The following SPAG16 variants were observed in gnomAD, a reference collection of about 807,000 sequenced individuals.
SPAG16 encodes the protein sperm associated antigen 16, also known as sperm-associated antigen 16 protein.
A neutral mutation model predicts 80.4 loss-of-function variants in SPAG16; 86 were observed. The observed-to-expected ratio is 1.07, with a 90% CI of 0.90 to 1.28. SPAG16 has a LOEUF of 1.28. SPAG16 is among the 50% of genes most tolerant of loss of function. The pLI is 0.00. For missense variants in SPAG16, 870 were observed against 765.3 expected, an observed-to-expected ratio of 1.14 and a Z score of -1.61; for synonymous variants, 294 against 265.9, an observed-to-expected ratio of 1.11 and a Z score of -1.03.
intron 10 of SPAG16, among the ~76,000 whole-genome samples, chr2:213,741,170 A>G (rs1403648906): frequency 6.6e-6 from 1 of 152,236 alleles, no homozygotes; most frequent in Non-Finnish European, 1.5e-5. Context: ...GTAAGAATAT[A>G]TGATAAAAAT....
At chr2:214,284,942 G>A (rs1458347915) in intron 15 of SPAG16, among the ~76,000 whole-genome samples, 2 of 152,204 alleles carry the variant, frequency 1.3e-5, no homozygotes, top group Non-Finnish European at 1.5e-5. Flanking sequence ...ATCAACAGAT[G>A]TACAAATGTA....
intron 9 of SPAG16, among the ~76,000 whole-genome samples, chr2:213,415,586 C>T (rs1394941014): frequency 6.6e-6 from 1 of 152,094 alleles, no homozygotes; most frequent in African/African-American, 2.4e-5. Context: ...TGGGGCAAAT[C>T]TTCATGGTTG....
At chr2:214,059,589 A>G (rs993121656) in intron 13 of SPAG16, among the ~76,000 whole-genome samples, 1 of 152,066 alleles carries the variant, frequency 6.6e-6, no homozygotes, top group African/African-American at 2.4e-5. Context: ...CAATCATTAT[A>G]GATTTTCTGA....
rs2193782 is a variant in SPAG16 at position 214,107,731 on chromosome 2, A to G, written c.1528-465A>G. Among the ~76,000 whole-genome samples the G allele has an allele frequency of 2.0e-3, 302 of 152,304 alleles. 1 individual carries two copies. The highest frequency in any genetic ancestry group is 7.0e-3 in the African/African-American group (293 of 41,568). On this transcript the variant is annotated intron_variant, in intron 13 of 15. Transcript: ENST00000331683. ...TTTATAAATTTTTATACAGGTAATA[A>G]TGTTAATGCTGAACTGTGAAAATTC... is the stretch of plus-strand genomic sequence containing the variant.
At chr2:213,920,918 A>G (rs180828072) in intron 11 of SPAG16, among the ~76,000 whole-genome samples, 1 of 152,342 alleles carries the variant, frequency 6.6e-6, no homozygotes, top group Admixed American at 6.5e-5. Flanking sequence ...CAACTCAAGT[A>G]TCCGTCATAG....
chr2:214,252,745 G>A (rs745974174), intron 15 of SPAG16, among the ~76,000 whole-genome samples: 5 of 151,970 alleles, frequency 3.3e-5, no homozygotes, highest in East Asian at 1.9e-4. Flanking sequence ...GAATAGTGCC[G>A]CAATAAACAT....
intron 12 of SPAG16, among the ~76,000 whole-genome samples, chr2:213,954,739 T>A (rs752543396): frequency 1.3e-5 from 2 of 152,168 alleles, no homozygotes; most frequent in Non-Finnish European, 2.9e-5. Flanking sequence ...ACCAAACTGT[T>A]TTCCATAGTG....
chr2:213,653,324 A>G (rs2063095075), intron 10 of SPAG16, among the ~76,000 whole-genome samples: 1 of 152,190 alleles, frequency 6.6e-6, no homozygotes, highest in Non-Finnish European at 1.5e-5. Flanking sequence ...TCTCAATATA[A>G]GCTGTGGGAC....
chr2:214,102,969 T>A (rs2053158669), intron 13 of SPAG16, among the ~76,000 whole-genome samples: 1 of 152,144 alleles, frequency 6.6e-6, no homozygotes, highest in Admixed American at 6.6e-5. Context: ...CTCTTTCCCA[T>A]GATTCTTCGC....
chr2:213,365,607 G>A (rs1575379668), intron 8 of SPAG16, among the ~76,000 whole-genome samples: 1 of 151,354 alleles, frequency 6.6e-6, no homozygotes, highest in South Asian at 2.1e-4. Flanking sequence ...ACAGGCATGT[G>A]CCACCATGAC....
chr2:214,075,097 A>G (rs2051004252), intron 13 of SPAG16, among the ~76,000 whole-genome samples: 1 of 152,004 alleles, frequency 6.6e-6, no homozygotes, highest in South Asian at 2.1e-4. Context: ...AAACATTATA[A>G]TCTTTTAAAC....
intron 9 of SPAG16, among the ~76,000 whole-genome samples, chr2:213,460,507 A>G (rs1182005553): frequency 6.6e-6 from 1 of 152,212 alleles, no homozygotes; most frequent in African/African-American, 2.4e-5. Flanking sequence ...AGGGAACCTC[A>G]ATCAGGAATA....
intron 10 of SPAG16, among the ~76,000 whole-genome samples, chr2:213,800,938 C>T (rs755114971): frequency 4.6e-5 from 7 of 152,194 alleles, no homozygotes; most frequent in Admixed American, 1.3e-4. Flanking sequence ...AACTCAAGAA[C>T]TTTACCATTA....
At chr2:213,591,223 A>C (rs1405369560) in intron 10 of SPAG16, among the ~76,000 whole-genome samples, 1 of 152,214 alleles carries the variant, frequency 6.6e-6, no homozygotes, top group Non-Finnish European at 1.5e-5. Flanking sequence ...TGTGTTTTAA[A>C]GTAATTCAAT....
chr2:213,422,944 C>G (rs2069687671), intron 9 of SPAG16, among the ~76,000 whole-genome samples: 1 of 152,192 alleles, frequency 6.6e-6, no homozygotes, highest in Non-Finnish European at 1.5e-5. Context: ...CTCTTCCCTG[C>G]CCTAGCAGGG....
intron 15 of SPAG16, among the ~76,000 whole-genome samples, chr2:214,178,600 A>G (rs1159385319): frequency 6.6e-6 from 1 of 151,340 alleles, no homozygotes; most frequent in Non-Finnish European, 1.5e-5. Flanking sequence ...TTGAATGTCT[A>G]TAGAGTAATG....
chr2:214,225,249 C>T (rs776430813), intron 15 of SPAG16, among the ~76,000 whole-genome samples: 4 of 152,054 alleles, frequency 2.6e-5, no homozygotes, highest in Admixed American at 6.6e-5. Flanking sequence ...TATTGTAGGG[C>T]CTTGCTGGCC....
chr2:213,508,596 G>A (rs111812056), intron 10 of SPAG16, among the ~76,000 whole-genome samples: 13,065 of 152,070 alleles, frequency 0.086, 1,410 homozygotes, highest in African/African-American at 0.25. Context: ...AAAAAAAAAT[G>A]ATGAGTTCAT....
intron 15 of SPAG16, among the ~76,000 whole-genome samples, chr2:214,182,169 T>C (rs1287259849): frequency 1.3e-5 from 2 of 151,704 alleles, no homozygotes; most frequent in Admixed American, 6.6e-5. Context: ...TACATGTATA[T>C]ATATAACAAA....
Sources: allele counts gnomAD v4.1 joint callset (sites outside exome capture counted in the v4.1 genomes callset), GRCh38; gene constraint gnomAD v4.1.1; transcripts MANE v1.5; gene names NCBI Gene and HGNC (gene_info 2026-07-23, HGNC 2026-07-21).